The following CFAP45 variants were observed in gnomAD, a reference collection of about 807,000 sequenced individuals.
CFAP45 encodes cilia- and flagella-associated protein 45.
CFAP45 carries 43 observed loss-of-function variants against 75.6 expected under a neutral mutation model. That is an observed-to-expected ratio of 0.57 (90% CI 0.45 to 0.73). The LOEUF (loss-of-function observed/expected upper bound fraction) is 0.73, where lower values mean the gene tolerates loss of function less well. Among genes scored for constraint, CFAP45 ranks in the 30% least tolerant of loss-of-function variants. CFAP45 has a pLI of 0.00. For synonymous variants in CFAP45, 223 were observed against 244.6 expected (o/e 0.91, Z 0.82); for missense variants, 689 against 701.5 (o/e 0.98, Z 0.20).
chr1:159,884,100 G>A (rs1258065785), intron 7 of CFAP45, among the ~76,000 whole-genome samples: 3 of 152,150 alleles, frequency 2.0e-5, no homozygotes, highest in African/African-American at 7.2e-5. Context: ...ATATCCCTAG[G>A]TGATTGAAGG....
Position 159,877,333 on chromosome 1 carries a change from G to T in CFAP45, c.1158+16C>A. ...GGAGTGGGAAAAGTAGAGGGAAGTC[G>T]AGACTAAGCAGGTACCTGTTCTGCC... On this transcript the variant is annotated intron_variant, in intron 9 of 11. Transcript: ENST00000368099. 2 of 1,548,306 alleles carry T rather than the reference G, an allele frequency of 1.3e-6. No individual in the cohort carries two copies. Among genetic ancestry groups the T allele is most frequent in the Non-Finnish European group, 1.8e-6 (2 of 1,119,654 alleles).
chr1:159,900,064 A>C (rs1373278979), intron 1 of CFAP45, 32 bp downstream of exon 1: 1 of 1,613,618 alleles, frequency 6.2e-7, no homozygotes, highest in Non-Finnish European at 8.5e-7. Context: ...CCAATTCAGG[A>C]CACAAGGGGC....
intron 3 of CFAP45, among the ~76,000 whole-genome samples, chr1:159,889,266 G>A (rs2501322): frequency 0.014 from 2,142 of 152,078 alleles, 57 homozygotes; most frequent in African/African-American, 0.049. Flanking sequence ...TTAAAGATGG[G>A]GGAGGGAGTA....
chr1:159,878,851 C>T (rs1049376446), intron 8 of CFAP45, among the ~76,000 whole-genome samples: 7 of 145,390 alleles, frequency 4.8e-5, no homozygotes, highest in African/African-American at 1.0e-4. Context: ...GTAAGTTGTA[C>T]GGGGCTGTTG....
chr1:159,876,595 TG>T lies in CFAP45; in HGVS notation c.1312del (p.Gln438ArgfsTer88). 1 of 1,614,150 alleles carries T rather than the reference TG, an allele frequency of 6.2e-7. No homozygotes were observed. Among genetic ancestry groups the T allele is most frequent in the Non-Finnish European group, 8.5e-7 (1 of 1,179,982 alleles). Reference protein sequence around the residue: ...VAFKEHALAVQVQRDRDEFER... With the variant: ...VAFKEHALAVXVQRDRDEFER... ...GAACTCATCCCGGTCCCGTTGCACCTGAACAGCCAGAGCGTGCTCCTTGAAA... is the reference window on the plus strand; with the variant it reads ...GAACTCATCCCGGTCCCGTTGCACCTAACAGCCAGAGCGTGCTCCTTGAAA... On this transcript the variant is annotated frameshift_variant, in exon 10 of 12. Transcript: ENST00000368099. LOFTEE classifies it high-confidence loss of function.
At chr1:159,886,834 T>C in intron 5 of CFAP45, 145 bp from the exon 6 acceptor site, 1 of 688,394 alleles carries the variant, frequency 1.5e-6, no homozygotes, top group Non-Finnish European at 2.5e-6. Flanking sequence ...AATGTTCTTA[T>C]ATTTACCTTT....
intron 1 of CFAP45, among the ~76,000 whole-genome samples, chr1:159,897,411 C>T (rs572474444): frequency 4.6e-5 from 7 of 152,068 alleles, no homozygotes; most frequent in East Asian, 1.9e-4. Context: ...TGGTGAAACT[C>T]GTCTCTACAA....
At chr1:159,897,904 A>G (rs933985492) in intron 1 of CFAP45, among the ~76,000 whole-genome samples, 7 of 152,238 alleles carry the variant, frequency 4.6e-5, no homozygotes, top group Non-Finnish European at 8.8e-5. Context: ...CCATAGCATT[A>G]TATATTCTGG....
At chr1:159,881,204 G>C (rs1006578545) in intron 7 of CFAP45, among the ~76,000 whole-genome samples, 29 of 152,196 alleles carry the variant, frequency 1.9e-4, no homozygotes, top group African/African-American at 5.6e-4. Context: ...CTAAAAGGTA[G>C]GTAGGCCTTG....
At chr1:159,897,855 A>G (rs970807945) in intron 1 of CFAP45, among the ~76,000 whole-genome samples, 11 of 152,218 alleles carry the variant, frequency 7.2e-5, no homozygotes, top group Admixed American at 2.0e-4. Context: ...GAGAGTACAG[A>G]CCTAAAAAAG....
intron 1 of CFAP45, among the ~76,000 whole-genome samples, chr1:159,895,129 A>C (rs1320206689): frequency 6.6e-6 from 1 of 152,194 alleles, no homozygotes; most frequent in Non-Finnish European, 1.5e-5. Flanking sequence ...CACAACCTCC[A>C]TTCCCAAAGG....
At chr1:159,891,637 T>C (rs961723596) in intron 2 of CFAP45, among the ~76,000 whole-genome samples, 2 of 152,252 alleles carry the variant, frequency 1.3e-5, no homozygotes, top group Non-Finnish European at 2.9e-5. Context: ...ATGCAGCCAC[T>C]GTGCTCCTGA....
At chr1:159,899,848 G>A in intron 1 of CFAP45, 1 of 486,104 alleles carries the variant, frequency 2.1e-6, no homozygotes, top group East Asian at 3.3e-5. Context: ...AGAGGGTTGG[G>A]GCATCCCTTT....
chr1:159,872,636 G>A, intron 11 of CFAP45, 73 bp from the exon 12 acceptor site: 1 of 1,371,698 alleles, frequency 7.3e-7, no homozygotes, highest in South Asian at 1.2e-5. Flanking sequence ...GCAGGCTCTG[G>A]GTGGGGTTTA....
intron 8 of CFAP45, among the ~76,000 whole-genome samples, chr1:159,878,759 A>AAAAAAAAAAC (rs1649472814): frequency 9.8e-6 from 1 of 101,526 alleles, no homozygotes; most frequent in African/African-American, 4.2e-5. Flanking sequence ...CATCTAAAAA[A>AAAAAAAAAAC]AAAAAAAAAA....
chr1:159,896,043 T>C (rs1307371847), intron 1 of CFAP45, among the ~76,000 whole-genome samples: 3 of 152,270 alleles, frequency 2.0e-5, no homozygotes, highest in Non-Finnish European at 2.9e-5. Flanking sequence ...CATTCCATGT[T>C]TTCCAGATCA....
chr1:159,879,798 A>G (rs919514827), intron 8 of CFAP45, among the ~76,000 whole-genome samples: 4 of 152,220 alleles, frequency 2.6e-5, no homozygotes, highest in African/African-American at 9.6e-5. Context: ...GAGAAGTACA[A>G]TGTGTTTCTG....
At chr1:159,894,995 T>C (rs1649920716) in intron 1 of CFAP45, among the ~76,000 whole-genome samples, 1 of 152,252 alleles carries the variant, frequency 6.6e-6, no homozygotes, top group Non-Finnish European at 1.5e-5. Context: ...GATTTTGGTC[T>C]TGGTTCCAGC....
intron 2 of CFAP45, among the ~76,000 whole-genome samples, chr1:159,892,867 T>C (rs1649861053): frequency 1.3e-5 from 2 of 152,256 alleles, no homozygotes; most frequent in Admixed American, 1.3e-4. Context: ...AGCCCTGCAA[T>C]GTTTCCATCA....
Sources: allele counts gnomAD v4.1 joint callset (sites outside exome capture counted in the v4.1 genomes callset), GRCh38; gene constraint gnomAD v4.1.1; transcripts MANE v1.5; gene names NCBI Gene and HGNC (gene_info 2026-07-23, HGNC 2026-07-21).